The following STAT2 variants were observed in gnomAD, a reference collection of about 807,000 sequenced individuals.
STAT2 encodes interferon alpha induced transcriptional activator.
In STAT2, 51 loss-of-function variants were observed where a neutral mutation model predicts 122.3. The ratio of observed to expected loss-of-function variants is 0.42; its 90% confidence interval spans 0.33 to 0.53. STAT2 has a LOEUF of 0.53. STAT2 is among the 20% of genes least tolerant of loss of function. STAT2 has a pLI of 0.10. For missense variants in STAT2, 736 were observed against 1,010.3 expected (o/e 0.73, Z 3.68); for synonymous variants, 351 against 394.9 (o/e 0.89, Z 1.32).
chr12:56,348,895 G>T, intron 17 of STAT2, 29 bp downstream of exon 17: 1 of 1,613,426 alleles, frequency 6.2e-7, no homozygotes, highest in Non-Finnish European at 8.5e-7. Flanking sequence ...TAAGGCTGGG[G>T]AAAGGCTGAG....
At chr12:56,352,371 T>TTTTTTTTTTG (rs1565655623) in intron 8 of STAT2, 1 of 28,464 alleles carries the variant, frequency 3.5e-5, no homozygotes, top group Non-Finnish European at 6.8e-5. Context: ...TTTTTTTTTT[T>TTTTTTTTTTG]GGTGGGGGTG....
At chr12:56,345,172 C>CAG (rs1877185519) in intron 22 of STAT2, among the ~76,000 whole-genome samples, 1 of 27,150 alleles carries the variant, frequency 3.7e-5, no homozygotes, top group African/African-American at 1.7e-4. Flanking sequence ...GAGACTGTCT[C>CAG]AAAAAAAAAA....
intron 19 of STAT2, among the ~76,000 whole-genome samples, chr12:56,348,087 G>A (rs949533814): frequency 8.4e-6 from 1 of 119,576 alleles, no homozygotes; most frequent in Non-Finnish European, 1.8e-5. Context: ...ATTATTGGTT[G>A]TTTTTTTTTT....
intron 4 of STAT2, 40 bp downstream of exon 4, chr12:56,355,668 A>G (rs1879395894): frequency 6.2e-7 from 1 of 1,603,084 alleles, no homozygotes; most frequent in Admixed American, 1.7e-5. Flanking sequence ...GTTCCTCTCT[A>G]CTTCAGGAGT....
intron 11 of STAT2, 50 bp from the exon 12 acceptor site, chr12:56,350,482 T>A: frequency 1.3e-6 from 2 of 1,546,426 alleles, no homozygotes; most frequent in Non-Finnish European, 1.7e-6. Flanking sequence ...AGTATGGAAG[T>A]TAGGAGTTTC....
In STAT2 at chr12:56,355,320, T is replaced by C; in HGVS notation, c.503A>G (p.Asp168Gly). Residue 168 changes from aspartate (D) to glycine (G), a missense_variant, in exon 6 of 24, where the codon GAC becomes GGC. Transcript: ENST00000314128. ...TCGGAAGCAGAAGACATCCTGCTGG[T>C]CTTTCAGTTGGCTGATGGATTTTAC... ...KLVKSISQLK[D>G]QQDVFCFRYK... is the part of the protein sequence containing the mutation. The C allele has an allele frequency of 6.2e-7, 1 of 1,614,202 alleles. No homozygotes were observed. The highest frequency in any genetic ancestry group is 8.5e-7 in the Non-Finnish European group (1 of 1,180,034).
intron 1 of STAT2, 59 bp from the exon 2 acceptor site, chr12:56,356,637 G>A: frequency 6.3e-7 from 1 of 1,578,180 alleles, no homozygotes; most frequent in Non-Finnish European, 8.6e-7. Context: ...ATCATCCATA[G>A]TTTCATGATT....
intron 1 of STAT2, among the ~76,000 whole-genome samples, chr12:56,358,914 T>C (rs1174635132): frequency 1.3e-5 from 2 of 151,940 alleles, no homozygotes; most frequent in Admixed American, 6.6e-5. Flanking sequence ...AACAAATTGG[T>C]TTTTGCCTGT....
rs780001428 is a variant in STAT2, at chr12:56,354,561, C to G, written c.687G>C (p.Glu229Asp). 5 of 1,614,186 alleles carry G rather than the reference C, an allele frequency of 3.1e-6. No individual in the cohort carries two copies. Among genetic ancestry groups the G allele is most frequent in the Admixed American group, 1.7e-5 (1 of 60,014 alleles). Residue 229 changes from glutamate to aspartate, a missense_variant, in exon 8 of 24, where the codon GAG becomes GAC. By Grantham distance (45) the Glu-to-Asp change is conservative (BLOSUM62 2). Transcript: ENST00000314128. Reference sequence around the variant, plus strand: ...ACTCCTCCAACTTTGGCAGCAGTAGCTCGATTAGGGTAGTTAATCGGCCTA... The same window carrying G: ...ACTCCTCCAACTTTGGCAGCAGTAGGTCGATTAGGGTAGTTAATCGGCCTA... ...ALLGRLTTLI[E>D]LLLPKLEEWK...
Position 56,356,218 on chromosome 12 carries a change from G to A in STAT2, c.199C>T (p.Leu67=), listed in dbSNP as rs1344387725. 6 of 1,613,726 alleles carry A rather than the reference G, an allele frequency of 3.7e-6. No homozygotes were observed. The highest frequency in any genetic ancestry group is 2.2e-5 in the East Asian group (1 of 44,906). Residue 67 remains leucine, a synonymous_variant, in exon 3 of 24, where the codon CTG becomes TTG. Transcript: ENST00000314128. ...TMLFFHFLDQ[L]NYECGRCSQD... ...CTGCAACGGCCACACTCATAGTTCAGCTGATCCAAGAAGTGGAAGAATAGC... is the reference window on the plus strand; with the variant it reads ...CTGCAACGGCCACACTCATAGTTCAACTGATCCAAGAAGTGGAAGAATAGC...
At chr12:56,350,600 A>T (rs1878311311) in intron 11 of STAT2, among the ~76,000 whole-genome samples, 168 bp from the exon 12 acceptor site, 1 of 152,164 alleles carries the variant, frequency 6.6e-6, no homozygotes, top group African/African-American at 2.4e-5. Context: ...CTTTGTTTGT[A>T]CAGTGCACTG....
chr12:56,346,668 C>A, intron 20 of STAT2, 44 bp from the exon 21 acceptor site: 1 of 1,609,532 alleles, frequency 6.2e-7, no homozygotes, highest in Non-Finnish European at 8.5e-7. Context: ...GGGAAGAGGC[C>A]GGGCCTTGGA....
chr12:56,350,306 T>C (rs777529317), intron 12 of STAT2, 106 bp downstream of exon 12: 8 of 1,447,280 alleles, frequency 5.5e-6, no homozygotes, highest in Non-Finnish European at 7.6e-6. Flanking sequence ...CCTTTGTCCA[T>C]ATCCCAAATC....
chr12:56,352,270 G>GA (rs1355657277), intron 8 of STAT2: 2 of 148,984 alleles, frequency 1.3e-5, no homozygotes, highest in African/African-American at 4.9e-5. Flanking sequence ...GCAATGTGGT[G>GA]ACAGGAAAAC....
At chr12:56,353,204 G>A (rs1283408409) in intron 8 of STAT2, among the ~76,000 whole-genome samples, 1 of 152,132 alleles carries the variant, frequency 6.6e-6, no homozygotes, top group Non-Finnish European at 1.5e-5. Flanking sequence ...GGCTGGTCTT[G>A]AACTCCTGAC....
chr12:56,351,484 G>A, intron 8 of STAT2, 34 bp from the exon 9 acceptor site: 1 of 1,601,696 alleles, frequency 6.2e-7, no homozygotes, highest in East Asian at 2.2e-5. Flanking sequence ...AGGAATCCAT[G>A]AGTTTCCTGG....
chr12:56,349,599 C>A lies in STAT2; in HGVS notation c.1247G>T (p.Gly416Val). Residue 416 changes from glycine to valine, a missense_variant, in exon 14 of 24, where the codon GGC (glycine) becomes GTC (valine). By Grantham distance (109) the Gly-to-Val change is moderately radical. Transcript: ENST00000314128. ...CTGTCCAGATCTCACCTTATTGCTG[C>A]CCTTTCCTGAACCACCTGAACGTTG... ...VEQRSGGSGKGSNKGPLGVTE... is the reference protein window; with the variant it reads ...VEQRSGGSGKVSNKGPLGVTE... The A allele has an allele frequency of 6.2e-7, 1 of 1,614,190 alleles. No homozygotes were observed. Among genetic ancestry groups the A allele is most frequent in the Non-Finnish European group, 8.5e-7 (1 of 1,180,034 alleles).
rs1366409914 is a variant in STAT2 at position 56,342,771 on chromosome 12, G to C, written c.*618C>G. The C allele has an allele frequency of 6.6e-6, 1 of 152,196 alleles. No homozygotes were observed. Among genetic ancestry groups the C allele is most frequent in the Non-Finnish European group, 1.5e-5 (1 of 68,096 alleles). 9.4% of individuals were successfully genotyped at this position (152,196 alleles called of 1,614,324 possible). On this transcript the variant is annotated 3_prime_UTR_variant, in exon 24 of 24. Transcript: ENST00000314128. ...GTACAGCCAGCTTAGGGGCAGAGTA[G>C]GGGAGGAGACTGGTAAGAAAAAGAG...
At position 56,348,691 on chromosome 12, in the gene STAT2, G is replaced by A. The variant is rs1410174596; in HGVS notation, c.1629+61C>T. 2.1e-5 allele frequency: 34 copies of A among 1,613,806 alleles called. No individual in the cohort carries two copies. The East Asian group carries it at 6.9e-4, about 33-fold the overall frequency. On this transcript the variant is annotated intron_variant, in intron 18 of 23. Transcript: ENST00000314128. ...TCTGGTGTAGGGAAGGAGGGACGTG[G>A]GAAGGCCAGTATTTGGAATGTGGGC...
Sources: allele counts gnomAD v4.1 joint callset (sites outside exome capture counted in the v4.1 genomes callset), GRCh38; gene constraint gnomAD v4.1.1; transcripts MANE v1.5; gene names NCBI Gene and HGNC (gene_info 2026-07-23, HGNC 2026-07-21).